HSP90AA1: variants seen among roughly 807,000 people sequenced by gnomAD.
HSP90AA1 encodes heat shock protein HSP 90-alpha.
HSP90AA1 carries 18 observed loss-of-function variants against 73.3 expected under a neutral mutation model. The ratio of observed to expected loss-of-function variants is 0.25; its 90% CI spans 0.17 to 0.36. HSP90AA1 has a LOEUF of 0.36. HSP90AA1 is among the 10% of genes least tolerant of loss of function. The pLI, the probability that HSP90AA1 is intolerant of heterozygous loss-of-function variation, is 1.00. For missense variants in HSP90AA1, 704 were observed against 874.2 expected, an observed-to-expected ratio of 0.81 and a Z score of 2.45; for synonymous variants, 477 against 296.9, an observed-to-expected ratio of 1.61 and a Z score of -6.24.
chr14:102,116,782 G>A (rs569563854), intron 1 of HSP90AA1, among the ~76,000 whole-genome samples: 1 of 152,190 alleles, frequency 6.6e-6, no homozygotes, highest in Admixed American at 6.5e-5. Flanking sequence ...CCACAATGGG[G>A]CTGGGCACAG....
In HSP90AA1 at chr14:102,139,286, C is replaced by T. The variant is rs564799497; in HGVS notation, c.119G>A (p.Ser40Asn). 31 of 1,614,070 alleles carry T rather than the reference C, an allele frequency of 1.9e-5. No individual in the cohort carries two copies. In the East Asian group the frequency reaches 6.0e-4, roughly 31 times the overall value. The change falls in exon 1 of 12, where the codon AGC becomes AAC. Residue 40 changes from serine to asparagine, a missense_variant. Ser to Asn is a conservative substitution (Grantham distance 46). Transcript: ENST00000334701. ...CGGCGGCGAGGAGGCTTCAGAGGGG[C>T]TTCCTGGGCGGGGATCCAGACGGTC...
chr14:102,117,288 G>A (rs1156330443), intron 1 of HSP90AA1, among the ~76,000 whole-genome samples: 1 of 152,106 alleles, frequency 6.6e-6, no homozygotes, highest in Non-Finnish European at 1.5e-5. Context: ...AGGCCAGGGA[G>A]GGCCTGAAGG....
rs1013000206 is a variant in HSP90AA1 at position 102,083,214 on chromosome 14, A to G, written c.1575T>C (p.Ile525=). The G allele has an allele frequency of 3.7e-6, 6 of 1,614,060 alleles. No homozygotes were observed. The highest frequency in any genetic ancestry group is 1.3e-5 in the African/African-American group (1 of 74,940). The change falls in exon 9 of 11, where the codon ATT becomes ATC. Residue 525 remains isoleucine, a synonymous_variant. Transcript: ENST00000216281. The part of the protein sequence containing the change: ...GLEVIYMIEP[I]DEYCVQQLKE... ...TCAGCTGTTGGACACAGTACTCATC[A>G]ATGGGCTCAATCATATAGATCACTT...
At position 102,128,630 on chromosome 14, in the gene HSP90AA1, GA is replaced by G. The variant is rs34691938; in HGVS notation, c.155+10619del. Reference sequence around the variant, plus strand: ...GCAGTAAGAGCAAAACTCCGTCTCGGAAAAAAAAAAAAAAAAAAAAAATTAG... The same window carrying G: ...GCAGTAAGAGCAAAACTCCGTCTCGGAAAAAAAAAAAAAAAAAAAAATTAG... On this transcript the variant is annotated intron_variant, in intron 1 of 11. Coordinates refer to the HSP90AA1 transcript ENST00000334701. Among the ~76,000 whole-genome samples the G allele has an allele frequency of 9.8e-3, 1,045 of 106,992 alleles. 15 individuals carry two copies. The highest frequency in any genetic ancestry group is 0.035 in the African/African-American group (963 of 27,528). The allele number at this position is 106,992 out of a possible 152,430, so 70.2% of individuals were successfully genotyped here.
chr14:102,113,999 T>C lies in HSP90AA1; in HGVS notation c.156-11914A>G, dbSNP rs537688440. Among the ~76,000 whole-genome samples, 239 of 152,100 alleles carry C rather than the reference T, an allele frequency of 1.6e-3. 2 individuals are homozygous for C. The highest frequency in any genetic ancestry group is 5.3e-3 in the African/African-American group (220 of 41,476). ...TGCAGGGATTACAGGCGTGAGCCAC[T>C]GCACCCCGCCCCCATTTATTTTATT... On this transcript the variant is annotated intron_variant, in intron 1 of 11. Coordinates refer to the HSP90AA1 transcript ENST00000334701.
In HSP90AA1 at chr14:102,080,762, T is replaced by C. The variant is rs987621599; in HGVS notation, c.*950A>G. On this transcript the variant is annotated 3_prime_UTR_variant, in exon 11 of 11. Coordinates refer to ENST00000216281, the MANE Select transcript of HSP90AA1 (RefSeq NM_005348.4). Reference sequence around the variant, plus strand: ...GTAAGGCCAAGGAATTAAGTGACTGTATTTAACACAGAAGGTATTCCATGA... The same window carrying C: ...GTAAGGCCAAGGAATTAAGTGACTGCATTTAACACAGAAGGTATTCCATGA... 7.0e-5 allele frequency: 15 copies of C among 213,466 alleles called. No homozygotes were observed. Among genetic ancestry groups the C allele is most frequent in the African/African-American group, 2.7e-4 (12 of 44,254 alleles). 13.2% of individuals were successfully genotyped at this position (213,466 alleles called of 1,614,324 possible).
At chr14:102,092,474 A>G (rs927026721) in intron 2 of HSP90AA1, among the ~76,000 whole-genome samples, 2 of 152,166 alleles carry the variant, frequency 1.3e-5, no homozygotes, top group Non-Finnish European at 2.9e-5. Flanking sequence ...AATATGGTCT[A>G]TTTTGTTTAA....
intron 1 of HSP90AA1, among the ~76,000 whole-genome samples, chr14:102,136,494 G>A (rs923540073): frequency 2.7e-5 from 4 of 150,276 alleles, no homozygotes; most frequent in Non-Finnish European, 4.4e-5. Context: ...GCTTGAACCC[G>A]GGAGGCAGAG....
intron 9 of HSP90AA1, 49 bp from the exon 10 acceptor site, chr14:102,082,493 A>G (rs1378579243): frequency 2.8e-6 from 4 of 1,438,954 alleles, no homozygotes; most frequent in South Asian, 1.2e-5. Context: ...TAATTCCTAA[A>G]CTTTCATTGT....
intron 2 of HSP90AA1, 44 bp downstream of exon 2, chr14:102,086,173 C>A (rs1397280211): frequency 6.2e-7 from 1 of 1,613,980 alleles, no homozygotes; most frequent in Non-Finnish European, 8.5e-7. Context: ...CCAAGAAGTT[C>A]ACACTGAAAC....
At chr14:102,119,093 G>A (rs913595263) in intron 1 of HSP90AA1, among the ~76,000 whole-genome samples, 1 of 151,880 alleles carries the variant, frequency 6.6e-6, no homozygotes, top group African/African-American at 2.4e-5. Context: ...GAGCTCAAGC[G>A]ATCCACCCTC....
intron 1 of HSP90AA1, among the ~76,000 whole-genome samples, chr14:102,110,223 G>A (rs993094756): frequency 2.0e-5 from 3 of 151,936 alleles, no homozygotes; most frequent in Non-Finnish European, 4.4e-5. Flanking sequence ...GTGAGCCACC[G>A]CACCCGGCTG....
rs547077622 is a variant in HSP90AA1 at position 102,097,573 on chromosome 14, A to AGCCAGTGGAAGAACAG, written c.366+4286_366+4301dup. On this transcript the variant is annotated intron_variant, in intron 2 of 11. Transcript: ENST00000334701. Reference sequence around the variant, plus strand: ...TCCCCCCAAGGGCAACCTCTGGTTCAGCCAGTGGAAGAACAGGCCTAGCTG... The same window carrying AGCCAGTGGAAGAACAG: ...TCCCCCCAAGGGCAACCTCTGGTTCAGCCAGTGGAAGAACAGGCCAGTGGAAGAACAGGCCTAGCTG... Among the ~76,000 whole-genome samples the AGCCAGTGGAAGAACAG allele has an allele frequency of 2.3e-3, 349 of 152,330 alleles. 2 individuals carry two copies. The highest frequency in any genetic ancestry group is 7.7e-3 in the African/African-American group (322 of 41,580).
chr14:102,096,434 A>G (rs1392206748), intron 2 of HSP90AA1, among the ~76,000 whole-genome samples: 1 of 152,176 alleles, frequency 6.6e-6, no homozygotes, highest in Non-Finnish European at 1.5e-5. Flanking sequence ...GCAGCAGCCC[A>G]AGGGTCTACG....
upstream of HSP90AA1, among the ~76,000 whole-genome samples, chr14:102,091,435 C>T (rs570437137): frequency 2.0e-5 from 3 of 152,132 alleles, no homozygotes; most frequent in African/African-American, 7.2e-5. Flanking sequence ...CCAGCCTGGA[C>T]AACATGGTGA....
intron 1 of HSP90AA1, among the ~76,000 whole-genome samples, chr14:102,129,894 T>C (rs1047056719): frequency 6.6e-6 from 1 of 152,236 alleles, no homozygotes. Context: ...GGGCATTTGG[T>C]TTGTTTCCAC....
chr14:102,092,330 C>T (rs933965138), intron 2 of HSP90AA1, among the ~76,000 whole-genome samples: 3 of 151,974 alleles, frequency 2.0e-5, no homozygotes, highest in Non-Finnish European at 2.9e-5. Context: ...CTCGGTGTCG[C>T]AAAATCCTGG....
chr14:102,090,833 T>A (rs886910007), upstream of HSP90AA1, among the ~76,000 whole-genome samples: 1 of 152,240 alleles, frequency 6.6e-6, no homozygotes, highest in African/African-American at 2.4e-5. Flanking sequence ...ACAGTGATGT[T>A]GCTGTTAGGG....
intron 1 of HSP90AA1, among the ~76,000 whole-genome samples, chr14:102,119,513 G>T (rs764067080): frequency 4.0e-5 from 6 of 151,884 alleles, no homozygotes; most frequent in African/African-American, 1.5e-4. Context: ...TTTTTGAGAC[G>T]GAGTCTCACT....
Sources: allele counts gnomAD v4.1 joint callset (sites outside exome capture counted in the v4.1 genomes callset), GRCh38; gene constraint gnomAD v4.1.1; transcripts MANE v1.5; gene names NCBI Gene and HGNC (gene_info 2026-07-23, HGNC 2026-07-21).